The following PDZD2 variants were observed in gnomAD, a reference collection of about 807,000 sequenced individuals.
PDZD2 encodes PDZ domain-containing protein 2.
Under a neutral mutation model 220.7 loss-of-function variants are expected in PDZD2, and 90 were observed. The ratio of observed to expected loss-of-function variants is 0.41; its 90% CI spans 0.34 to 0.49. The LOEUF is 0.49. PDZD2 is among the 20% of genes least tolerant of loss of function. PDZD2 has a pLI of 0.28. For missense variants in PDZD2, 3,174 were observed against 3,608.5 expected (o/e 0.88, Z 3.08); for synonymous variants, 1,375 against 1,450.5 (o/e 0.95, Z 1.18).
intron 2 of PDZD2, among the ~76,000 whole-genome samples, chr5:31,831,130 T>G (rs1264557596): frequency 6.6e-6 from 1 of 152,196 alleles, no homozygotes; most frequent in Non-Finnish European, 1.5e-5. Flanking sequence ...ATATGGACAT[T>G]TGAAAGTAAT....
chr5:31,653,567 G>T (rs540909583), intron 1 of PDZD2, among the ~76,000 whole-genome samples: 2 of 152,274 alleles, frequency 1.3e-5, no homozygotes, highest in African/African-American at 4.8e-5. Context: ...ATGGGAAGAT[G>T]AATCTTCTGA....
intron 24 of PDZD2, among the ~76,000 whole-genome samples, chr5:32,101,729 C>T (rs1239899825): frequency 1.3e-5 from 2 of 152,212 alleles, no homozygotes; most frequent in East Asian, 3.9e-4. Context: ...CAAGCATAGC[C>T]TTTGTGGGAA....
At chr5:31,994,558 C>T (rs2111960039) in intron 3 of PDZD2, among the ~76,000 whole-genome samples, 1 of 151,656 alleles carries the variant, frequency 6.6e-6, no homozygotes, top group East Asian at 2.0e-4. Flanking sequence ...CCATCTTGGC[C>T]CACTACAACC....
chr5:32,103,212 G>A (rs1245292500), intron 24 of PDZD2, among the ~76,000 whole-genome samples: 2 of 152,104 alleles, frequency 1.3e-5, no homozygotes, highest in African/African-American at 4.8e-5. Flanking sequence ...AACTCATCAA[G>A]GGGCAAAACA....
intron 2 of PDZD2, chr5:31,854,923 G>C: frequency 1.0e-6 from 1 of 962,250 alleles, no homozygotes; most frequent in Admixed American, 6.2e-5. Flanking sequence ...GGAGGGGGGG[G>C]TCCTCCCACA....
chr5:31,942,383 ATGTGTGTG>A (rs10581247), intron 2 of PDZD2, among the ~76,000 whole-genome samples: 1 of 151,056 alleles, frequency 6.6e-6, no homozygotes, highest in Non-Finnish European at 1.5e-5. Flanking sequence ...GCTTATGGGC[ATGTGTGTG>A]TGTGTGTGTG....
intron 7 of PDZD2, among the ~76,000 whole-genome samples, chr5:32,040,838 G>A (rs1441134414): frequency 7.4e-5 from 11 of 149,628 alleles, no homozygotes; most frequent in South Asian, 2.1e-4. Context: ...TCTAGGAAGC[G>A]AGGAGCGCCT....
At chr5:31,808,957 C>T (rs1024644197) in intron 2 of PDZD2, among the ~76,000 whole-genome samples, 3 of 149,642 alleles carry the variant, frequency 2.0e-5, no homozygotes, top group Non-Finnish European at 4.4e-5. Context: ...CCAGCCTGGG[C>T]AACAGAGCAA....
intron 2 of PDZD2, among the ~76,000 whole-genome samples, chr5:31,919,678 A>G (rs1208266614): frequency 7.4e-6 from 1 of 135,856 alleles, no homozygotes; most frequent in Admixed American, 7.9e-5. Flanking sequence ...TTTTTAGAGC[A>G]GTTTTAAGTT....
rs1752009714 is a variant in PDZD2 at position 32,000,426 on chromosome 5, TA to T, written c.1254+156del. Among the ~76,000 whole-genome samples the T allele has an allele frequency of 6.6e-6, 1 of 152,258 alleles. No homozygotes were observed. Among genetic ancestry groups the T allele is most frequent in the African/African-American group, 2.4e-5 (1 of 41,470 alleles). On this transcript the variant is annotated intron_variant, in intron 5 of 24. Coordinates refer to ENST00000438447, the MANE Select transcript of PDZD2 (RefSeq NM_178140.4). This position sits in a 1 kb window ranked among gnomAD's most constrained non-coding sequence, Gnocchi z 4.5. ...CAGCCTTGCTTCCACAGGGCAACGC[TA>T]TATGGAGACCCTTAGCTGAAGTGCA...
intron 1 of PDZD2, among the ~76,000 whole-genome samples, chr5:31,709,386 C>T (rs1747980316): frequency 6.6e-6 from 1 of 151,808 alleles, no homozygotes; most frequent in African/African-American, 2.4e-5. Flanking sequence ...TACATGGAGG[C>T]TGAGGCAGGA....
intron 1 of PDZD2, among the ~76,000 whole-genome samples, chr5:31,768,228 C>G (rs1048612907): frequency 2.0e-5 from 3 of 152,198 alleles, no homozygotes; most frequent in Non-Finnish European, 4.4e-5. Context: ...AGGCTGGGAA[C>G]TCCGTGAAAG....
At chr5:31,919,144 G>A (rs141927938) in intron 2 of PDZD2, among the ~76,000 whole-genome samples, 3 of 152,270 alleles carry the variant, frequency 2.0e-5, no homozygotes, top group African/African-American at 4.8e-5. Context: ...CTGGAGAGTC[G>A]CTGTAACCAC....
intron 1 of PDZD2, among the ~76,000 whole-genome samples, chr5:31,763,870 T>TTAAAAAAAAAA (rs1401600794): frequency 3.6e-5 from 5 of 137,550 alleles, no homozygotes; most frequent in African/African-American, 1.3e-4. Flanking sequence ...GCCCTCTGAT[T>TTAAAAAAAAAA]AAAAAAAAAA....
chr5:31,687,455 A>G (rs1746918060), intron 1 of PDZD2, among the ~76,000 whole-genome samples: 1 of 152,090 alleles, frequency 6.6e-6, no homozygotes, highest in African/African-American at 2.4e-5. Flanking sequence ...TAACATCCAT[A>G]TTGATGTTAT....
intron 6 of PDZD2, among the ~76,000 whole-genome samples, chr5:32,027,050 G>A (rs1477622443): frequency 6.6e-6 from 1 of 152,110 alleles, no homozygotes; most frequent in Non-Finnish European, 1.5e-5. Flanking sequence ...TTACAGGTGT[G>A]TGCCACCACG....
chr5:31,881,116 G>A (rs1739860657), intron 2 of PDZD2, among the ~76,000 whole-genome samples: 1 of 151,812 alleles, frequency 6.6e-6, no homozygotes. Context: ...TAGCTTTCTG[G>A]CTATGGTTTA....
chr5:32,067,931 G>A (rs941934540), intron 14 of PDZD2, among the ~76,000 whole-genome samples: 12 of 152,022 alleles, frequency 7.9e-5, no homozygotes, highest in African/African-American at 2.9e-4. Context: ...AAAACCATGG[G>A]GTACAAATAT....
intron 1 of PDZD2, among the ~76,000 whole-genome samples, chr5:31,714,862 T>C (rs1748343318): frequency 6.6e-6 from 1 of 151,942 alleles, no homozygotes; most frequent in African/African-American, 2.4e-5. Context: ...ATTGAGACCA[T>C]CCTGGTTAAC....
Sources: allele counts gnomAD v4.1 joint callset (sites outside exome capture counted in the v4.1 genomes callset), GRCh38; gene constraint gnomAD v4.1.1; non-coding constraint Gnocchi (gnomAD v3.1); transcripts MANE v1.5; gene names NCBI Gene and HGNC (gene_info 2026-07-23, HGNC 2026-07-21).